ACTR3C: variants seen among roughly 807,000 people sequenced by gnomAD.
ACTR3C encodes the protein actin-related protein 3C.
A neutral mutation model predicts 26.3 loss-of-function variants in ACTR3C; 18 were observed. The observed-to-expected ratio is 0.68, with a 90% confidence interval of 0.47 to 1.01. ACTR3C has a LOEUF of 1.01. Ranked by LOEUF, ACTR3C falls within the 50% of genes least tolerant of loss-of-function variation. ACTR3C has a pLI of 0.00. For synonymous variants in ACTR3C, 55 were observed against 94.5 expected (o/e 0.58, Z 2.42); for missense variants, 184 against 250.7 (o/e 0.73, Z 1.80).
chr7:150,249,303 C>G (rs10428919), intron 6 of ACTR3C, among the ~76,000 whole-genome samples: 28,433 of 152,056 alleles, frequency 0.19, 4,565 homozygotes, highest in African/African-American at 0.43. Context: ...TCACCTGCCA[C>G]TTCTATACCC....
At chr7:149,949,512 G>C in the ACTR3C span, among the ~76,000 whole-genome samples, 3 of 147,866 alleles carry the variant, frequency 2.0e-5, no homozygotes, top group East Asian at 5.8e-4. Context: ...ATTCCATTGA[G>C]ACTTTTGCCT....
At chr7:150,087,916 C>T in the ACTR3C span, among the ~76,000 whole-genome samples, 1 of 152,144 alleles carries the variant, frequency 6.6e-6, no homozygotes, top group Non-Finnish European at 1.5e-5. Context: ...TAGAAATAGA[C>T]CAAGAGATGA....
the ACTR3C span, among the ~76,000 whole-genome samples, chr7:150,138,331 A>G: frequency 2.6e-4 from 39 of 151,764 alleles, no homozygotes; most frequent in Non-Finnish European, 4.3e-4. Flanking sequence ...TACCACAGGA[A>G]CGAAGGAGGA....
At chr7:150,290,490 G>A (rs1347653022) in intron 3 of ACTR3C, among the ~76,000 whole-genome samples, 1 of 152,136 alleles carries the variant, frequency 6.6e-6, no homozygotes, top group East Asian at 1.9e-4. Context: ...ATCCGGTAAA[G>A]ACACTCAGGT....
chr7:150,168,911 C>A, the ACTR3C span, among the ~76,000 whole-genome samples: 16 of 150,878 alleles, frequency 1.1e-4, no homozygotes, highest in Non-Finnish European at 2.2e-4. Context: ...AACATCTCTT[C>A]TTTGTCTAGC....
At chr7:150,059,759 T>C in the ACTR3C span, among the ~76,000 whole-genome samples, 3 of 152,344 alleles carry the variant, frequency 2.0e-5, no homozygotes, top group East Asian at 5.8e-4. Context: ...TGAGCTGGCA[T>C]CATAAGAGCC....
the ACTR3C span, among the ~76,000 whole-genome samples, chr7:150,033,673 CG>C: frequency 5.0e-4 from 75 of 149,800 alleles, no homozygotes; most frequent in Middle Eastern, 3.7e-3. Context: ...CCCTGCCTCG[CG>C]GGGGGTGCCT....
chr7:149,911,424 A>T, the ACTR3C span, among the ~76,000 whole-genome samples: 1 of 152,062 alleles, frequency 6.6e-6, no homozygotes, highest in Non-Finnish European at 1.5e-5. Context: ...TCTCATGGTT[A>T]TATCTACACC....
chr7:150,224,688 TC>T, the ACTR3C span, among the ~76,000 whole-genome samples: 2 of 152,106 alleles, frequency 1.3e-5, no homozygotes, highest in Non-Finnish European at 2.9e-5. Context: ...TATTATCCTT[TC>T]TCATTTGCAT....
chr7:150,240,503 G>A (rs1832118588), downstream of ACTR3C, among the ~76,000 whole-genome samples: 1 of 152,114 alleles, frequency 6.6e-6, no homozygotes. Context: ...GATGGGTGCA[G>A]CAAACCACCA....
chr7:149,908,319 A>AT, the ACTR3C span, among the ~76,000 whole-genome samples: 1 of 152,224 alleles, frequency 6.6e-6, no homozygotes, highest in Non-Finnish European at 1.5e-5. Context: ...TCGTTTCTGA[A>AT]TTCAAAATGA....
At chr7:150,086,267 A>T in the ACTR3C span, among the ~76,000 whole-genome samples, 1 of 152,230 alleles carries the variant, frequency 6.6e-6, no homozygotes, top group Non-Finnish European at 1.5e-5. Flanking sequence ...TACAGGCATG[A>T]GCCCAGCCCC....
At chr7:150,164,788 C>T in the ACTR3C span, among the ~76,000 whole-genome samples, 1 of 152,096 alleles carries the variant, frequency 6.6e-6, no homozygotes, top group East Asian at 1.9e-4. Context: ...ACAGAATTCT[C>T]ATTTGGAAAT....
At chr7:150,047,980 C>T in the ACTR3C span, 1 of 1,206,508 alleles carries the variant, frequency 8.3e-7, no homozygotes, top group South Asian at 1.9e-5. Flanking sequence ...AGCAGCAAGG[C>T]AAGCCCAGCG....
chr7:149,989,479 G>A, the ACTR3C span, among the ~76,000 whole-genome samples: 1 of 152,016 alleles, frequency 6.6e-6, no homozygotes, highest in African/African-American at 2.4e-5. Flanking sequence ...GCTAGTCTCT[G>A]CCTCTGTAAT....
At chr7:150,183,177 A>G in the ACTR3C span, among the ~76,000 whole-genome samples, 1 of 150,780 alleles carries the variant, frequency 6.6e-6, no homozygotes, top group Non-Finnish European at 1.5e-5. Context: ...TAATTGTATT[A>G]TCTTATATTC....
the ACTR3C span, among the ~76,000 whole-genome samples, chr7:150,211,108 A>G: frequency 4.0e-5 from 6 of 149,208 alleles, no homozygotes; most frequent in East Asian, 1.2e-3. Flanking sequence ...CCTAGCAACT[A>G]TAAGGCACCC....
chr7:150,104,779 A>G, the ACTR3C span, among the ~76,000 whole-genome samples: 1 of 151,998 alleles, frequency 6.6e-6, no homozygotes, highest in Admixed American at 6.6e-5. Flanking sequence ...AATGCCATAG[A>G]GGTTTGGAAG....
At chr7:150,119,185 G>C in the ACTR3C span, among the ~76,000 whole-genome samples, 1 of 151,946 alleles carries the variant, frequency 6.6e-6, no homozygotes, top group Non-Finnish European at 1.5e-5. Flanking sequence ...TCAACTAATG[G>C]GCAAAATAAC....
Sources: gnomAD v4.1 joint callset for allele counts (sites outside exome capture counted in the v4.1 genomes callset) on GRCh38, gnomAD v4.1.1 for gene constraint, MANE v1.5 for transcripts, NCBI Gene and HGNC (gene_info 2026-07-23, HGNC 2026-07-21) for gene names.